LRMDA: variants seen among roughly 807,000 people sequenced by gnomAD.
LRMDA encodes leucine-rich melanocyte differentiation-associated protein.
In LRMDA, 18 loss-of-function variants were observed where a neutral mutation model predicts 29.8. The ratio of observed to expected loss-of-function variants is 0.60; its 90% CI spans 0.42 to 0.90. The LOEUF (loss-of-function observed/expected upper bound fraction) is 0.90, where lower values mean the gene tolerates loss of function less well. Among genes scored for constraint, LRMDA ranks in the 40% least tolerant of loss-of-function variants. The probability of loss-of-function intolerance (pLI) is 0.00; values close to 1 mark genes in which losing one functional copy is unlikely to be tolerated. For synonymous variants in LRMDA, 125 were observed against 109.4 expected, an observed-to-expected ratio of 1.14 and a Z score of -0.89; for missense variants, 273 against 273.9, an observed-to-expected ratio of 1.00 and a Z score of 0.02.
chr10:75,946,684 G>T (rs555021076), intron 2 of LRMDA, among the ~76,000 whole-genome samples: 2 of 152,110 alleles, frequency 1.3e-5, no homozygotes, highest in African/African-American at 4.8e-5. Flanking sequence ...TTCCAGATCT[G>T]GTCCTTTCCC....
At chr10:75,658,481 T>A (rs1841707743) in intron 2 of LRMDA, among the ~76,000 whole-genome samples, 1 of 152,156 alleles carries the variant, frequency 6.6e-6, no homozygotes, top group Non-Finnish European at 1.5e-5. Flanking sequence ...GAATCTTTGT[T>A]TCTCAAAGAA....
chr10:75,965,062 A>T (rs1315034247), intron 2 of LRMDA, among the ~76,000 whole-genome samples: 1 of 152,200 alleles, frequency 6.6e-6, no homozygotes, highest in African/African-American at 2.4e-5. Context: ...CACTACACCC[A>T]GCCTGAAGCC....
At chr10:76,347,580 A>G (rs116850531) in intron 6 of LRMDA, among the ~76,000 whole-genome samples, 70 of 152,242 alleles carry the variant, frequency 4.6e-4, no homozygotes, top group Non-Finnish European at 8.7e-4. Flanking sequence ...ATCCGATGCA[A>G]TTTTAGTACT....
chr10:75,558,550 C>T (rs1022023326), intron 2 of LRMDA, among the ~76,000 whole-genome samples: 1 of 151,104 alleles, frequency 6.6e-6, no homozygotes, highest in African/African-American at 2.4e-5. Context: ...TATTATTATA[C>T]TTTAAGTTTT....
chr10:75,439,531 C>T (rs548609414), intron 2 of LRMDA, among the ~76,000 whole-genome samples: 199 of 152,200 alleles, frequency 1.3e-3, no homozygotes, highest in Non-Finnish European at 2.1e-3. Flanking sequence ...TAATAAGGCA[C>T]GAGAGGTGGA....
At chr10:76,346,127 T>C (rs780104586) in intron 6 of LRMDA, among the ~76,000 whole-genome samples, 1 of 152,276 alleles carries the variant, frequency 6.6e-6, no homozygotes, top group African/African-American at 2.4e-5. Flanking sequence ...CAGAAATCTA[T>C]AAATAATTGG....
intron 6 of LRMDA, among the ~76,000 whole-genome samples, chr10:76,453,370 T>C (rs1842426004): frequency 6.6e-6 from 1 of 152,212 alleles, no homozygotes; most frequent in Non-Finnish European, 1.5e-5. Context: ...AAAGTGTATA[T>C]GAATTCAAAT....
In LRMDA at chr10:76,558,602, A is replaced by ATTG. The variant is rs921319186; in HGVS notation, c.*1316_*1318dup. On this transcript the variant is annotated 3_prime_UTR_variant, in exon 7 of 7. Coordinates refer to ENST00000611255, the MANE Select transcript of LRMDA (RefSeq NM_001305581.2). ...CTTCTTCCATTTAGACCAAGTGTTCATTGTCCTCCCAGTATTAGGTCAGTT... is the reference window on the plus strand; with the variant it reads ...CTTCTTCCATTTAGACCAAGTGTTCATTGTTGTCCTCCCAGTATTAGGTCAGTT... 4 of 152,336 alleles carry ATTG rather than the reference A, an allele frequency of 2.6e-5. No individual in the cohort carries two copies. The highest frequency in any genetic ancestry group is 7.2e-5 in the African/African-American group (3 of 41,582). 9.4% of individuals were successfully genotyped at this position (152,336 alleles called of 1,614,324 possible). A position where few individuals can be genotyped will look rare whatever the true frequency, so the allele number is the denominator to read the frequency against.
At chr10:75,915,176 G>C (rs553515909) in intron 2 of LRMDA, among the ~76,000 whole-genome samples, 1 of 128,174 alleles carries the variant, frequency 7.8e-6, no homozygotes, top group Admixed American at 9.7e-5. Flanking sequence ...CTGTCACCCA[G>C]GCTGAAGTGC....
chr10:75,639,539 T>C (rs180848361), intron 2 of LRMDA, among the ~76,000 whole-genome samples: 249 of 152,300 alleles, frequency 1.6e-3, no homozygotes, highest in African/African-American at 4.1e-3. Flanking sequence ...TGTTGAGTGC[T>C]CCAGAACCAG....
At chr10:76,196,724 A>G (rs1374350737) in intron 5 of LRMDA, among the ~76,000 whole-genome samples, 1 of 152,260 alleles carries the variant, frequency 6.6e-6, no homozygotes, top group Non-Finnish European at 1.5e-5. Context: ...ACCTTAGAAC[A>G]TGCAATTCTG....
chr10:75,903,933 A>G (rs925785272), intron 2 of LRMDA, among the ~76,000 whole-genome samples: 3 of 152,358 alleles, frequency 2.0e-5, no homozygotes, highest in African/African-American at 7.2e-5. Flanking sequence ...AATGGGGATT[A>G]TGACACTTGC....
intron 2 of LRMDA, among the ~76,000 whole-genome samples, chr10:75,866,551 A>T (rs898296780): frequency 2.0e-5 from 3 of 152,198 alleles, no homozygotes; most frequent in Non-Finnish European, 2.9e-5. Context: ...AGGGCATGAG[A>T]AGCGAAGGGG....
chr10:76,221,871 C>T (rs1357733392), intron 5 of LRMDA, among the ~76,000 whole-genome samples: 2 of 151,946 alleles, frequency 1.3e-5, no homozygotes, highest in Non-Finnish European at 2.9e-5. Context: ...TCAAACTATA[C>T]TACAAGGCTA....
At chr10:76,273,672 G>A (rs1201568048) in intron 5 of LRMDA, among the ~76,000 whole-genome samples, 1 of 152,156 alleles carries the variant, frequency 6.6e-6, no homozygotes, top group Non-Finnish European at 1.5e-5. Flanking sequence ...GCCCAGAAAT[G>A]TTCTGAAATG....
intron 5 of LRMDA, chr10:76,270,572 A>T (rs1410213737): frequency 6.6e-6 from 1 of 152,362 alleles, no homozygotes; most frequent in Admixed American, 6.5e-5. Context: ...CTTTCAATCA[A>T]TATTTTACTG....
intron 2 of LRMDA, among the ~76,000 whole-genome samples, chr10:75,879,995 T>C (rs1227584256): frequency 6.6e-6 from 1 of 152,218 alleles, no homozygotes; most frequent in Non-Finnish European, 1.5e-5. Context: ...AAAATTTCCA[T>C]GATGTTAGCA....
At chr10:76,390,346 G>A (rs1445152903) in intron 6 of LRMDA, among the ~76,000 whole-genome samples, 1 of 152,118 alleles carries the variant, frequency 6.6e-6, no homozygotes, top group Non-Finnish European at 1.5e-5. Flanking sequence ...AAGTAAAAGG[G>A]TAGAAGGAGG....
chr10:76,311,709 C>G (rs999349838), intron 5 of LRMDA, among the ~76,000 whole-genome samples: 1 of 152,158 alleles, frequency 6.6e-6, no homozygotes, highest in Admixed American at 6.6e-5. Flanking sequence ...CCTCATTAAG[C>G]CTGCAAAGAT....
Sources: allele counts gnomAD v4.1 joint callset (sites outside exome capture counted in the v4.1 genomes callset), GRCh38; gene constraint gnomAD v4.1.1; transcripts MANE v1.5; gene names NCBI Gene and HGNC (gene_info 2026-07-23, HGNC 2026-07-21).